Variants in ABCC1 observed in about 807,000 individuals in gnomAD.
The protein encoded by ABCC1 is multidrug resistance-associated protein 1.
Under a neutral mutation model 172.9 loss-of-function variants are expected in ABCC1, and 83 were observed. That is an observed-to-expected ratio of 0.48 (90% CI 0.40 to 0.58). The LOEUF (loss-of-function observed/expected upper bound fraction) is 0.58. ABCC1 is among the 20% of genes least tolerant of loss of function. The probability of loss-of-function intolerance (pLI) is 0.00; values close to 1 mark genes in which losing one functional copy is unlikely to be tolerated. For synonymous variants in ABCC1, 937 were observed against 825.2 expected (o/e 1.14, Z -2.32); for missense variants, 1,817 against 2,002.7 (o/e 0.91, Z 1.77).
chr16:15,984,496 G>A (rs945665263), intron 1 of ABCC1, among the ~76,000 whole-genome samples: 2 of 149,100 alleles, frequency 1.3e-5, no homozygotes, highest in Admixed American at 1.3e-4. Flanking sequence ...AGGCTGGAGT[G>A]CAGTGGCGTG....
At chr16:16,056,663 T>C in intron 12 of ABCC1, 2 of 238,282 alleles carry the variant, frequency 8.4e-6, no homozygotes, top group Non-Finnish European at 1.6e-5. Context: ...AGCAAGACCT[T>C]GTCTCAAAAA....
intron 1 of ABCC1, among the ~76,000 whole-genome samples, chr16:15,984,449 T>TTTTG (rs1567286608): frequency 2.8e-3 from 12 of 4,288 alleles, no homozygotes; most frequent in African/African-American, 7.8e-3. Flanking sequence ...TGATATATAC[T>TTTTG]TTTTTTTTTT....
intron 19 of ABCC1, among the ~76,000 whole-genome samples, chr16:16,099,594 A>G (rs1460029932): frequency 6.6e-6 from 1 of 152,208 alleles, no homozygotes; most frequent in Non-Finnish European, 1.5e-5. Flanking sequence ...GAACTCTGGG[A>G]GACTAGACTC....
At chr16:15,953,752 T>C (rs2045928067) in intron 1 of ABCC1, among the ~76,000 whole-genome samples, 1 of 152,146 alleles carries the variant, frequency 6.6e-6, no homozygotes, top group Non-Finnish European at 1.5e-5. Context: ...TGAGATGCTC[T>C]GTGGCATCCA....
chr16:15,990,060 T>C (rs1180373115), intron 1 of ABCC1, among the ~76,000 whole-genome samples: 1 of 151,644 alleles, frequency 6.6e-6, no homozygotes, highest in Non-Finnish European at 1.5e-5. Context: ...CAATTTTTTT[T>C]TGTTTTGTTT....
At chr16:16,055,549 C>CAAA (rs35490080) in intron 11 of ABCC1, among the ~76,000 whole-genome samples, 2,958 of 142,710 alleles carry the variant, frequency 0.021, 115 homozygotes, top group African/African-American at 0.07. Flanking sequence ...GACTCCGTCA[C>CAAA]AAAAAAAAAA....
At chr16:15,999,155 C>T (rs773792793) in intron 1 of ABCC1, among the ~76,000 whole-genome samples, 2 of 151,978 alleles carry the variant, frequency 1.3e-5, no homozygotes, top group Admixed American at 6.6e-5. Context: ...TGCCCGCCAC[C>T]ACACCTGGCT....
intron 5 of ABCC1, among the ~76,000 whole-genome samples, chr16:16,030,914 G>T (rs946421474): frequency 8.6e-5 from 13 of 151,880 alleles, no homozygotes; most frequent in Non-Finnish European, 1.8e-4. Flanking sequence ...GTAGTGGCAC[G>T]ATCTCAGCTT....
At chr16:15,958,695 C>CG (rs1213609365) in intron 1 of ABCC1, among the ~76,000 whole-genome samples, 1 of 152,190 alleles carries the variant, frequency 6.6e-6, no homozygotes, top group Non-Finnish European at 1.5e-5. Flanking sequence ...AGCTTCCCCC[C>CG]GCTTAGCAAG....
At chr16:16,083,589 G>C (rs369096172) in intron 17 of ABCC1, 47 bp downstream of exon 17, 1 of 1,584,924 alleles carries the variant, frequency 6.3e-7, no homozygotes, top group South Asian at 1.1e-5. Context: ...AGCTGTTGCC[G>C]CGTAACAAAT....
chr16:16,036,667 C>G (rs246232), intron 7 of ABCC1, 64 bp downstream of exon 7: 542,312 of 1,561,274 alleles, frequency 0.35, 103,829 homozygotes, highest in African/African-American at 0.81. Context: ...CCTGTGGCCT[C>G]AATCCAGGAT....
At chr16:15,970,431 A>C (rs1014591224) in intron 1 of ABCC1, among the ~76,000 whole-genome samples, 10 of 152,194 alleles carry the variant, frequency 6.6e-5, no homozygotes, top group Admixed American at 1.3e-4. Context: ...TCTAAGCAGG[A>C]TGTACCCAGC....
At chr16:16,022,679 C>T (rs2048234128) in intron 5 of ABCC1, among the ~76,000 whole-genome samples, 1 of 152,132 alleles carries the variant, frequency 6.6e-6, no homozygotes, top group Non-Finnish European at 1.5e-5. Flanking sequence ...GAAAGCTACT[C>T]AGCTCGTTTG....
chr16:15,993,450 G>A (rs2046943257), intron 1 of ABCC1, among the ~76,000 whole-genome samples: 1 of 152,166 alleles, frequency 6.6e-6, no homozygotes, highest in Non-Finnish European at 1.5e-5. Flanking sequence ...TTGCTTTAGG[G>A]CAGCAGGGAT....
At chr16:16,085,765 G>T (rs35605618) in intron 17 of ABCC1, among the ~76,000 whole-genome samples, 19,220 of 152,278 alleles carry the variant, frequency 0.13, 1,308 homozygotes, top group Middle Eastern at 0.22. Flanking sequence ...GGGCGACAGA[G>T]TGAGATTCTG....
At chr16:16,088,380 G>T (rs1417218934) in intron 18 of ABCC1, among the ~76,000 whole-genome samples, 2 of 152,218 alleles carry the variant, frequency 1.3e-5, no homozygotes, top group Non-Finnish European at 2.9e-5. Flanking sequence ...GGGACGTGGA[G>T]GTTGCAGTGA....
At chr16:16,079,053 G>C (rs35874442) in intron 15 of ABCC1, among the ~76,000 whole-genome samples, 1 of 151,908 alleles carries the variant, frequency 6.6e-6, no homozygotes, top group Admixed American at 6.6e-5. Flanking sequence ...CTGCCTCTCC[G>C]AGGGGCAAAA....
intron 1 of ABCC1, among the ~76,000 whole-genome samples, chr16:16,003,156 G>A (rs1262761233): frequency 2.6e-5 from 4 of 151,954 alleles, no homozygotes; most frequent in South Asian, 2.1e-4. Flanking sequence ...TGTTGGGTGG[G>A]TAGATGGATT....
intron 27 of ABCC1, among the ~76,000 whole-genome samples, chr16:16,133,222 TG>T (rs2045772130): frequency 6.6e-6 from 1 of 152,180 alleles, no homozygotes; most frequent in Non-Finnish European, 1.5e-5. Flanking sequence ...GGCCATTTGC[TG>T]GGGGACAAGG....
Sources: gnomAD v4.1 joint callset for allele counts (sites outside exome capture counted in the v4.1 genomes callset) on GRCh38, gnomAD v4.1.1 for gene constraint, MANE v1.5 for transcripts, NCBI Gene and HGNC (gene_info 2026-07-23, HGNC 2026-07-21) for gene names.